ADAM18: variants seen among roughly 807,000 people sequenced by gnomAD.
ADAM18 encodes the protein ADAM metallopeptidase domain 18.
ADAM18 carries 117 observed loss-of-function variants against 94.4 expected under a neutral mutation model. That is an observed-to-expected ratio of 1.24 (90% CI 1.07 to 1.45). The LOEUF is 1.45. Ranked by LOEUF, ADAM18 falls within the 40% of genes most tolerant of loss-of-function variation. ADAM18 has a pLI of 0.00. For synonymous variants in ADAM18, 327 were observed against 291.6 expected (o/e 1.12, Z -1.24); for missense variants, 936 against 880.0 (o/e 1.06, Z -0.81).
intron 14 of ADAM18, among the ~76,000 whole-genome samples, chr8:39,671,775 G>A (rs1016769576): frequency 7.2e-5 from 11 of 152,138 alleles, no homozygotes; most frequent in African/African-American, 2.7e-4. Context: ...GCTGAAAATA[G>A]AGAAAAGGCA....
intron 6 of ADAM18, among the ~76,000 whole-genome samples, chr8:39,625,001 A>C (rs528146460): frequency 6.6e-6 from 1 of 152,180 alleles, no homozygotes; most frequent in African/African-American, 2.4e-5. Flanking sequence ...AGAATGGACT[A>C]ATAAAATTGC....
intron 13 of ADAM18, 54 bp from the exon 14 acceptor site, chr8:39,667,944 C>A: frequency 6.7e-7 from 1 of 1,502,202 alleles, no homozygotes; most frequent in Non-Finnish European, 9.2e-7. Context: ...TTTCACTAAG[C>A]AATTGAGAAA....
intron 12 of ADAM18, among the ~76,000 whole-genome samples, chr8:39,661,687 C>T (rs144225129): frequency 1.1e-3 from 162 of 151,928 alleles, no homozygotes; most frequent in African/African-American, 3.7e-3. Flanking sequence ...TATAGCTTTA[C>T]TTTTTGTAAA....
rs923284699 is a variant in ADAM18, at chr8:39,634,916, A to T, written c.589-2348A>T. Among the ~76,000 whole-genome samples, 5 of 152,308 alleles carry T rather than the reference A, an allele frequency of 3.3e-5. 1 individual carries two copies. The South Asian group carries it at 1.0e-3, about 32-fold the overall frequency. ...AGAATGACATGAATTTTGGGAAACTAGGGGTGGAATGTTAGGGTTTGAATA... is the reference window on the plus strand; with the variant it reads ...AGAATGACATGAATTTTGGGAAACTTGGGGTGGAATGTTAGGGTTTGAATA... On this transcript the variant is annotated intron_variant, in intron 7 of 19. Coordinates refer to ENST00000265707, the MANE Select transcript of ADAM18 (RefSeq NM_014237.3).
chr8:39,658,338 A>G (rs563721266), intron 12 of ADAM18, among the ~76,000 whole-genome samples: 1 of 152,338 alleles, frequency 6.6e-6, no homozygotes, highest in African/African-American at 2.4e-5. Flanking sequence ...TGTGATGGAG[A>G]CAATATACCA....
intron 2 of ADAM18, among the ~76,000 whole-genome samples, chr8:39,600,882 T>A (rs1473874592): frequency 6.6e-6 from 1 of 152,228 alleles, no homozygotes; most frequent in Admixed American, 6.5e-5. Flanking sequence ...TCTCAATTCC[T>A]ATTTGTATTA....
In ADAM18 at chr8:39,671,284, A is replaced by T. The variant is rs182913602; in HGVS notation, c.1525+3088A>T. Among the ~76,000 whole-genome samples the T allele has an allele frequency of 1.8e-3, 267 of 152,340 alleles. 1 individual carries two copies. The highest frequency in any genetic ancestry group is 6.3e-3 in the African/African-American group (263 of 41,562). ...AGCAGATTGGGATAGTATACTTGTAAGAGAGAATACATTAGCTGGTACAAT... is the reference window on the plus strand; with the variant it reads ...AGCAGATTGGGATAGTATACTTGTATGAGAGAATACATTAGCTGGTACAAT... On this transcript the variant is annotated intron_variant, in intron 14 of 19. Transcript: ENST00000265707.
At chr8:39,647,798 A>T (rs557764493) in intron 11 of ADAM18, among the ~76,000 whole-genome samples, 1 of 152,332 alleles carries the variant, frequency 6.6e-6, no homozygotes, top group Non-Finnish European at 1.5e-5. Flanking sequence ...ACAGCCCTAG[A>T]TTCCTTAAAC....
At chr8:39,604,478 G>A (rs542247225) in intron 2 of ADAM18, 1 of 152,308 alleles carries the variant, frequency 6.6e-6, no homozygotes, top group Admixed American at 6.5e-5. Flanking sequence ...TGTTGGAGGT[G>A]AGGTCTGGTG....
Position 39,720,152 on chromosome 8 carries a change from C to T in ADAM18, c.2018-3596C>T, listed in dbSNP as rs534171598. Among the ~76,000 whole-genome samples the T allele has an allele frequency of 5.3e-5, 8 of 151,562 alleles. No individual in the cohort carries two copies. In the East Asian group the frequency reaches 1.5e-3, roughly 29 times the overall value. On this transcript the variant is annotated intron_variant, in intron 18 of 19. Coordinates refer to ENST00000265707, the MANE Select transcript of ADAM18 (RefSeq NM_014237.3). Reference sequence around the variant, plus strand: ...AAAAGAAATAAACTGTTGTTATATACACCAATATGGATGAATCTCAACATT... The same window carrying T: ...AAAAGAAATAAACTGTTGTTATATATACCAATATGGATGAATCTCAACATT...
intron 12 of ADAM18, among the ~76,000 whole-genome samples, chr8:39,652,119 G>A (rs1563291827): frequency 6.6e-6 from 1 of 151,910 alleles, no homozygotes; most frequent in Non-Finnish European, 1.5e-5. Flanking sequence ...ATAGGAAAAA[G>A]CTCCACAACA....
At chr8:39,617,639 A>G (rs983818998) in intron 6 of ADAM18, among the ~76,000 whole-genome samples, 1 of 152,228 alleles carries the variant, frequency 6.6e-6, no homozygotes, top group Non-Finnish European at 1.5e-5. Flanking sequence ...CATATGCACC[A>G]TGGAATACTA....
intron 6 of ADAM18, among the ~76,000 whole-genome samples, chr8:39,623,885 A>T (rs1819689747): frequency 6.6e-6 from 1 of 151,810 alleles, no homozygotes; most frequent in Admixed American, 6.6e-5. Flanking sequence ...TATAGTTTTA[A>T]TTTGCATTTC....
At position 39,704,326 on chromosome 8, in the gene ADAM18, G is replaced by A. The variant is rs115967689; in HGVS notation, c.1903-2464G>A. Among the ~76,000 whole-genome samples the A allele has an allele frequency of 5.7e-3, 866 of 152,012 alleles. 5 individuals are homozygous for A. The highest frequency in any genetic ancestry group is 0.02 in the African/African-American group (821 of 41,474). The stretch of plus-strand genomic sequence containing the variant: ...ATCCTCAACAAAATACTGGTCAACC[G>A]AATTCAGAAGCACATCAAAAAAGAT... On this transcript the variant is annotated intron_variant, in intron 17 of 19. Coordinates refer to ENST00000265707, the MANE Select transcript of ADAM18 (RefSeq NM_014237.3).
intron 2 of ADAM18, among the ~76,000 whole-genome samples, chr8:39,588,402 GT>G (rs1168525070): frequency 6.6e-6 from 1 of 152,052 alleles, no homozygotes; most frequent in Non-Finnish European, 1.5e-5. Context: ...TTTGCCCATT[GT>G]TTAATCAGGT....
intron 12 of ADAM18, among the ~76,000 whole-genome samples, chr8:39,661,184 G>A (rs1313378826): frequency 5.8e-5 from 8 of 137,364 alleles, no homozygotes; most frequent in Admixed American, 2.4e-4. Flanking sequence ...AGGGAGTCTC[G>A]GTTTGTCGCC....
chr8:39,652,407 T>G (rs909809940), intron 12 of ADAM18, among the ~76,000 whole-genome samples: 11 of 152,166 alleles, frequency 7.2e-5, no homozygotes, highest in African/African-American at 2.6e-4. Context: ...TTGCTCAAAA[T>G]AAGACAAACA....
In ADAM18 at chr8:39,664,324, T is replaced by C. The variant is rs567544257; in HGVS notation, c.1326+434T>C. ...TACATAGCATTTATATTGTATTAGG[T>C]AATATAAGTAATACAGAGATAATAA... On this transcript the variant is annotated intron_variant, in intron 13 of 19. Transcript: ENST00000265707. Among the ~76,000 whole-genome samples the C allele has an allele frequency of 3.3e-5, 5 of 152,284 alleles. No homozygotes were observed. In the South Asian group the frequency reaches 1.0e-3, roughly 32 times the overall value.
intron 10 of ADAM18, among the ~76,000 whole-genome samples, chr8:39,643,913 A>G (rs573689676): frequency 2.6e-5 from 4 of 151,650 alleles, no homozygotes; most frequent in Non-Finnish European, 5.9e-5. Context: ...CAGCCTAGAT[A>G]TCATTCCTCA....
Sources: allele counts gnomAD v4.1 joint callset (sites outside exome capture counted in the v4.1 genomes callset), GRCh38; gene constraint gnomAD v4.1.1; transcripts MANE v1.5; gene names NCBI Gene and HGNC (gene_info 2026-07-23, HGNC 2026-07-21).